Variants in CSMD3 observed in about 807,000 individuals in gnomAD.
The protein encoded by CSMD3 is CUB and Sushi multiple domains 3.
Under a neutral mutation model 435.2 loss-of-function variants are expected in CSMD3, and 177 were observed. The ratio of observed to expected loss-of-function variants is 0.41; its 90% confidence interval spans 0.36 to 0.46. CSMD3 has a LOEUF of 0.46. CSMD3 is among the 20% of genes least tolerant of loss of function. The pLI, the probability that CSMD3 is intolerant of heterozygous loss-of-function variation, is 0.34. For synonymous variants in CSMD3, 1,656 were observed against 1,520.5 expected (o/e 1.09, Z -2.07); for missense variants, 4,265 against 4,504.6 (o/e 0.95, Z 1.52).
chr8:113,423,676 G>A (rs2127057), intron 1 of CSMD3, among the ~76,000 whole-genome samples: 37,890 of 151,708 alleles, frequency 0.25, 5,510 homozygotes, highest in East Asian at 0.47. Context: ...AAATCAGCAT[G>A]TAATGCAAAT....
At chr8:112,448,755 TAAA>T (rs199998820) in intron 32 of CSMD3, among the ~76,000 whole-genome samples, 61,336 of 127,284 alleles carry the variant, frequency 0.48, 14,055 homozygotes, top group Middle Eastern at 0.64. Context: ...TACAATCTAT[TAAA>T]AAAAAAAAAA....
At chr8:113,181,216 A>G (rs1564399123) in intron 3 of CSMD3, among the ~76,000 whole-genome samples, 2 of 151,982 alleles carry the variant, frequency 1.3e-5, no homozygotes, top group African/African-American at 2.4e-5. Flanking sequence ...GCAGTAGGAG[A>G]AAAGTCTATT....
At chr8:112,835,062 A>T (rs958475588) in intron 11 of CSMD3, among the ~76,000 whole-genome samples, 1 of 151,740 alleles carries the variant, frequency 6.6e-6, no homozygotes, top group Non-Finnish European at 1.5e-5. Context: ...TTGCTTATTG[A>T]GGTTTGAATT....
At chr8:112,366,036 G>A (rs1276954225) in intron 38 of CSMD3, among the ~76,000 whole-genome samples, 2 of 152,112 alleles carry the variant, frequency 1.3e-5, no homozygotes, top group Non-Finnish European at 2.9e-5. Flanking sequence ...TTTCTTTGAA[G>A]AACTATAACA....
intron 13 of CSMD3, among the ~76,000 whole-genome samples, chr8:112,721,631 A>G (rs1410861814): frequency 6.6e-6 from 1 of 152,158 alleles, no homozygotes; most frequent in Admixed American, 6.5e-5. Context: ...GATCTACTAA[A>G]GATACCTCGT....
chr8:113,128,181 G>T (rs891878690), intron 4 of CSMD3, among the ~76,000 whole-genome samples: 2 of 151,886 alleles, frequency 1.3e-5, no homozygotes, highest in African/African-American at 4.8e-5. Flanking sequence ...CATGAAGGTG[G>T]GAACTAAGCA....
At chr8:113,079,972 C>A (rs1428853186) in intron 5 of CSMD3, among the ~76,000 whole-genome samples, 1 of 152,108 alleles carries the variant, frequency 6.6e-6, no homozygotes, top group Non-Finnish European at 1.5e-5. Flanking sequence ...CCACATTTCT[C>A]CACTTCTAAG....
intron 8 of CSMD3, among the ~76,000 whole-genome samples, chr8:112,949,312 T>G (rs1437994893): frequency 6.6e-6 from 1 of 152,020 alleles, no homozygotes; most frequent in East Asian, 1.9e-4. Flanking sequence ...AACCATATCC[T>G]TCTTGCCAAC....
chr8:112,314,998 T>C (rs566037529), intron 47 of CSMD3, among the ~76,000 whole-genome samples: 8 of 152,088 alleles, frequency 5.3e-5, no homozygotes, highest in Middle Eastern at 3.4e-3. Flanking sequence ...CCTTACTTTT[T>C]AACTCACTCT....
At chr8:113,353,034 A>C (rs1225851458) in intron 1 of CSMD3, among the ~76,000 whole-genome samples, 1 of 152,292 alleles carries the variant, frequency 6.6e-6, no homozygotes, top group Non-Finnish European at 1.5e-5. Flanking sequence ...ACAAGGAAAT[A>C]GGCTTTTGAA....
intron 11 of CSMD3, among the ~76,000 whole-genome samples, chr8:112,842,082 A>G (rs932102167): frequency 1.3e-5 from 2 of 151,810 alleles, no homozygotes; most frequent in Non-Finnish European, 2.9e-5. Flanking sequence ...TAACACAGGT[A>G]TAATATCACA....
intron 45 of CSMD3, among the ~76,000 whole-genome samples, chr8:112,331,810 C>T (rs1824088580): frequency 6.6e-6 from 1 of 151,910 alleles, no homozygotes; most frequent in Non-Finnish European, 1.5e-5. Flanking sequence ...GCATACTCAG[C>T]CAGCTTAAAA....
intron 4 of CSMD3, among the ~76,000 whole-genome samples, chr8:113,123,937 A>C (rs550890653): frequency 1.3e-5 from 2 of 152,004 alleles, no homozygotes; most frequent in African/African-American, 4.8e-5. Context: ...TCTACTACTA[A>C]TTTTACCCTG....
intron 4 of CSMD3, among the ~76,000 whole-genome samples, chr8:113,128,506 T>A: frequency 6.6e-6 from 1 of 152,016 alleles, no homozygotes; most frequent in East Asian, 1.9e-4. Context: ...AAACAAAATT[T>A]TTAACATACT....
chr8:113,192,972 T>C (rs1035494939), intron 3 of CSMD3, among the ~76,000 whole-genome samples: 3 of 151,624 alleles, frequency 2.0e-5, no homozygotes, highest in African/African-American at 4.8e-5. Flanking sequence ...TGTACTTTAC[T>C]GTGTAGTGAT....
At chr8:113,312,459 G>C (rs2093876896) in intron 2 of CSMD3, 1 of 152,050 alleles carries the variant, frequency 6.6e-6, no homozygotes, top group Non-Finnish European at 1.5e-5. Flanking sequence ...TTACAGATTA[G>C]GAAAGAAAGA....
intron 4 of CSMD3, among the ~76,000 whole-genome samples, chr8:113,172,201 A>G (rs1432167080): frequency 6.6e-6 from 1 of 152,168 alleles, no homozygotes; most frequent in East Asian, 1.9e-4. Context: ...TTTTAACTTG[A>G]AAGTAGAGTA....
intron 22 of CSMD3, among the ~76,000 whole-genome samples, chr8:112,609,201 C>CAAAAAAAAAAAAAAACAAAAAAAAAA (rs1833046935): frequency 2.3e-5 from 1 of 43,106 alleles, no homozygotes; most frequent in Non-Finnish European, 4.1e-5. Flanking sequence ...GATACTGCCT[C>CAAAAAAAAAAAAAAACAAAAAAAAAA]AAAAAAAAAA....
At chr8:112,974,148 G>A (rs183612315) in intron 7 of CSMD3, among the ~76,000 whole-genome samples, 16 of 151,946 alleles carry the variant, frequency 1.1e-4, no homozygotes, top group East Asian at 1.9e-4. Flanking sequence ...TACTCTTGAA[G>A]CTTAATTAAA....
Sources: allele counts gnomAD v4.1 joint callset (sites outside exome capture counted in the v4.1 genomes callset), GRCh38; gene constraint gnomAD v4.1.1; transcripts MANE v1.5; gene names NCBI Gene and HGNC (gene_info 2026-07-23, HGNC 2026-07-21).